The following WWOX variants were observed in gnomAD, a reference collection of about 807,000 sequenced individuals.
WWOX encodes WW domain containing oxidoreductase, also known as WW domain-containing oxidoreductase.
A neutral mutation model predicts 46.2 loss-of-function variants in WWOX; 69 were observed. The observed-to-expected ratio is 1.49, with a 90% confidence interval of 1.23 to 1.82. The LOEUF (loss-of-function observed/expected upper bound fraction) is 1.82. Among genes scored for constraint, WWOX ranks in the 40% most tolerant of loss-of-function variants. WWOX has a pLI of 0.00. For synonymous variants in WWOX, 359 were observed against 202.6 expected (o/e 1.77, Z -6.56); for missense variants, 919 against 542.6 (o/e 1.69, Z -6.89).
At chr16:78,798,656 T>G (rs1157034217) in intron 8 of WWOX, among the ~76,000 whole-genome samples, 1 of 151,868 alleles carries the variant, frequency 6.6e-6, no homozygotes, top group Non-Finnish European at 1.5e-5. Context: ...GAAACATATA[T>G]ATTTTTAATT....
At chr16:78,720,671 A>G (rs1330202221) in intron 8 of WWOX, among the ~76,000 whole-genome samples, 1 of 152,068 alleles carries the variant, frequency 6.6e-6, no homozygotes, top group East Asian at 1.9e-4. Flanking sequence ...CTGACTATAT[A>G]ACAGAAAACA....
chr16:78,992,506 A>G (rs2046908348), intron 8 of WWOX, among the ~76,000 whole-genome samples: 1 of 152,120 alleles, frequency 6.6e-6, no homozygotes. Context: ...GGCTCCAGTG[A>G]GCTCATTTTA....
At chr16:78,142,451 A>G (rs1417693276) in intron 4 of WWOX, among the ~76,000 whole-genome samples, 1 of 152,222 alleles carries the variant, frequency 6.6e-6, no homozygotes, top group African/African-American at 2.4e-5. Flanking sequence ...GAAATGCTAG[A>G]TACTCCCTAG....
chr16:78,975,107 G>C (rs1391102733), intron 8 of WWOX, among the ~76,000 whole-genome samples: 6 of 152,166 alleles, frequency 3.9e-5, no homozygotes, highest in Non-Finnish European at 5.9e-5. Flanking sequence ...CTCTGGACCA[G>C]AATTGATTGC....
At chr16:78,305,128 G>A (rs1179164414) in intron 5 of WWOX, among the ~76,000 whole-genome samples, 2 of 152,132 alleles carry the variant, frequency 1.3e-5, no homozygotes, top group Admixed American at 6.5e-5. Flanking sequence ...CCCAAGTTGT[G>A]TAAATCAAAG....
At chr16:78,918,607 C>A (rs1355167094) in intron 8 of WWOX, among the ~76,000 whole-genome samples, 2 of 152,104 alleles carry the variant, frequency 1.3e-5, no homozygotes, top group African/African-American at 2.4e-5. Context: ...GTATTCCTGG[C>A]AGGATTTGTA....
intron 8 of WWOX, among the ~76,000 whole-genome samples, chr16:79,194,866 C>T (rs1360389666): frequency 2.0e-5 from 3 of 152,088 alleles, no homozygotes; most frequent in Non-Finnish European, 4.4e-5. Context: ...GCAGATGCTC[C>T]CAGAGTCTAT....
chr16:78,820,297 C>CA (rs567418324), intron 8 of WWOX, among the ~76,000 whole-genome samples: 233 of 152,272 alleles, frequency 1.5e-3, no homozygotes, highest in African/African-American at 5.2e-3. Flanking sequence ...ATGTGTGACC[C>CA]AAAGTTTTGG....
intron 8 of WWOX, among the ~76,000 whole-genome samples, chr16:79,198,026 A>G (rs1242815417): frequency 6.6e-6 from 1 of 152,280 alleles, no homozygotes; most frequent in East Asian, 1.9e-4. Flanking sequence ...GAGGAACAAG[A>G]GCAGCTTTAG....
intron 8 of WWOX, among the ~76,000 whole-genome samples, chr16:78,998,672 G>T (rs181290521): frequency 3.9e-4 from 60 of 152,316 alleles, no homozygotes; most frequent in Admixed American, 1.1e-3. Flanking sequence ...GGCTAGCACA[G>T]TGCTCAGCAT....
chr16:78,841,068 C>G (rs1327208396), intron 8 of WWOX, among the ~76,000 whole-genome samples: 1 of 152,146 alleles, frequency 6.6e-6, no homozygotes, highest in Non-Finnish European at 1.5e-5. Flanking sequence ...GTCCCGGTAA[C>G]ATACACCTGT....
intron 8 of WWOX, among the ~76,000 whole-genome samples, chr16:78,717,041 G>C (rs1239112287): frequency 6.6e-6 from 1 of 152,150 alleles, no homozygotes; most frequent in Non-Finnish European, 1.5e-5. Flanking sequence ...AGAAAGTAAT[G>C]TTTTCTCTGA....
chr16:79,023,007 C>A (rs1037856974), intron 8 of WWOX, among the ~76,000 whole-genome samples: 6 of 151,810 alleles, frequency 4.0e-5, no homozygotes, highest in African/African-American at 1.5e-4. Context: ...TAGCGTGGTA[C>A]TGTGTATATA....
chr16:79,173,876 C>T (rs534535460), intron 8 of WWOX, among the ~76,000 whole-genome samples: 12 of 152,080 alleles, frequency 7.9e-5, no homozygotes, highest in Non-Finnish European at 1.2e-4. Flanking sequence ...GGGGAGAGGA[C>T]GGTGGGTGAT....
chr16:78,535,129 T>G (rs2043727947), intron 8 of WWOX: 1 of 152,268 alleles, frequency 6.6e-6, no homozygotes, highest in South Asian at 2.1e-4. Flanking sequence ...CAGTGTTGTC[T>G]TTTCCCTGCA....
Position 78,816,080 on chromosome 16 carries a change from A to G in WWOX, c.1056+383328A>G, listed in dbSNP as rs187670033. On this transcript the variant is annotated intron_variant, in intron 8 of 8. Transcript: ENST00000566780. ...CCTGCTTCTATTCTGCTTTTCTAGC[A>G]TGGAATCCCCTCTGCCTTAATGTGA... Among the ~76,000 whole-genome samples, 244 of 152,276 alleles carry G rather than the reference A, an allele frequency of 1.6e-3. 2 individuals carry two copies. The highest frequency in any genetic ancestry group is 7.1e-3 in the East Asian group (37 of 5,178).
intron 7 of WWOX, among the ~76,000 whole-genome samples, chr16:78,431,474 G>A (rs974417175): frequency 6.6e-6 from 1 of 152,124 alleles, no homozygotes; most frequent in African/African-American, 2.4e-5. Flanking sequence ...AATAATCCAG[G>A]AAAGCCCTGT....
rs542260080 is a variant in WWOX at position 78,843,335 on chromosome 16, C to T, written c.1057-368273C>T. 5.3e-5 allele frequency among the ~76,000 whole-genome samples: 8 copies of T among 150,342 alleles called. 1 individual carries two copies. In the South Asian group the frequency reaches 1.7e-3, roughly 33 times the overall value. ...TTTGGGCTGGTAAAGCCACCTAGGT[C>T]AGTGCCATGTCCAACCCAATCTGGA... On this transcript the variant is annotated intron_variant, in intron 8 of 8. Transcript: ENST00000566780.
chr16:79,089,329 G>A (rs1055965810), intron 8 of WWOX, among the ~76,000 whole-genome samples: 4 of 114,172 alleles, frequency 3.5e-5, no homozygotes, highest in African/African-American at 1.7e-4. Context: ...TTCAAGGTGG[G>A]GACCTTTTTT....
Sources: gnomAD v4.1 joint callset for allele counts (sites outside exome capture counted in the v4.1 genomes callset) on GRCh38, gnomAD v4.1.1 for gene constraint, MANE v1.5 for transcripts, NCBI Gene and HGNC (gene_info 2026-07-23, HGNC 2026-07-21) for gene names.